TEC: variants seen among roughly 807,000 people sequenced by gnomAD.
The protein encoded by TEC is tec protein tyrosine kinase, also known as tyrosine-protein kinase Tec.
Under a neutral mutation model 93.0 loss-of-function variants are expected in TEC, and 72 were observed. The observed-to-expected ratio is 0.77, with a 90% CI of 0.64 to 0.94. The LOEUF is 0.94. TEC is among the 40% of genes least tolerant of loss of function. The pLI is 0.00. For missense variants in TEC, 630 were observed against 757.9 expected (o/e 0.83, Z 1.98); for synonymous variants, 249 against 247.7 (o/e 1.01, Z -0.05).
At chr4:48,183,007 C>T (rs1271039066) in intron 2 of TEC, among the ~76,000 whole-genome samples, 1 of 152,130 alleles carries the variant, frequency 6.6e-6, no homozygotes. Flanking sequence ...CGTCCCTTTC[C>T]CACATCACAA....
At position 48,226,972 on chromosome 4, in the gene TEC, T is replaced by C. The variant is rs115958962; in HGVS notation, c.138+1505A>G. ...AAGCAAATATAGCACATATATCATA[T>C]GTTACATAATAGTCCCAGCAGGGAC... On this transcript the variant is annotated intron_variant, in intron 2 of 17. Transcript: ENST00000381501. Among the ~76,000 whole-genome samples, 518 of 152,328 alleles carry C rather than the reference T, an allele frequency of 3.4e-3. 5 individuals carry two copies. Among genetic ancestry groups the C allele is most frequent in the African/African-American group, 0.012 (499 of 41,570 alleles).
intron 4 of TEC, among the ~76,000 whole-genome samples, chr4:48,170,587 T>G (rs1721059572): frequency 3.3e-5 from 5 of 152,206 alleles, no homozygotes; most frequent in Admixed American, 3.3e-4. Context: ...TTAGCAGAAA[T>G]GACTGCTGCT....
intron 2 of TEC, among the ~76,000 whole-genome samples, chr4:48,220,671 T>A (rs1279457055): frequency 2.0e-5 from 3 of 152,184 alleles, no homozygotes; most frequent in African/African-American, 7.2e-5. Context: ...GCCTCAAGTA[T>A]TTCTTTATAG....
intron 9 of TEC, among the ~76,000 whole-genome samples, chr4:48,155,041 A>C (rs1720336577): frequency 6.6e-6 from 1 of 152,198 alleles, no homozygotes; most frequent in Non-Finnish European, 1.5e-5. Flanking sequence ...CCTACTGGGA[A>C]CCTAAAGCCT....
At chr4:48,251,012 T>C (rs2109668297) in intron 1 of TEC, among the ~76,000 whole-genome samples, 1 of 152,328 alleles carries the variant, frequency 6.6e-6, no homozygotes, top group South Asian at 2.1e-4. Flanking sequence ...GTCTCAGTAC[T>C]TCCTTCTTAT....
At chr4:48,170,140 G>T in intron 5 of TEC, 108 bp downstream of exon 5, 1 of 911,072 alleles carries the variant, frequency 1.1e-6, no homozygotes, top group Non-Finnish European at 1.7e-6. Context: ...CATTTTCACT[G>T]TACTAGAAAG....
intron 1 of TEC, among the ~76,000 whole-genome samples, chr4:48,250,025 C>T (rs1035220600): frequency 1.3e-5 from 2 of 152,218 alleles, no homozygotes; most frequent in African/African-American, 4.8e-5. Flanking sequence ...GCTGATAACT[C>T]CAAAATCTAC....
chr4:48,145,314 A>G lies in TEC; in HGVS notation c.1254-19T>C, dbSNP rs1283667621. ...CAGTTTCCTGGGAAGGAAGACATAT[A>G]TATAGTTACTATAGGAAAAGAAACT... On this transcript the variant is annotated intron_variant, in intron 13 of 17. Transcript: ENST00000381501. 1 of 1,613,260 alleles carries G rather than the reference A, an allele frequency of 6.2e-7. No individual in the cohort carries two copies. The highest frequency in any genetic ancestry group is 1.3e-5 in the African/African-American group (1 of 74,988).
chr4:48,140,200 T>C (rs1479177978), intron 15 of TEC, among the ~76,000 whole-genome samples: 2 of 152,240 alleles, frequency 1.3e-5, no homozygotes, highest in Non-Finnish European at 2.9e-5. Flanking sequence ...AACTTGGCCC[T>C]ACATGGCCTG....
intron 14 of TEC, among the ~76,000 whole-genome samples, chr4:48,142,307 C>A (rs1405389073): frequency 6.6e-6 from 1 of 152,124 alleles, no homozygotes; most frequent in African/African-American, 2.4e-5. Flanking sequence ...CCCTTCTCTA[C>A]TAAAAATACA....
At chr4:48,193,508 T>G (rs757708481) in intron 2 of TEC, among the ~76,000 whole-genome samples, 1 of 152,164 alleles carries the variant, frequency 6.6e-6, no homozygotes, top group Non-Finnish European at 1.5e-5. Context: ...ACAGAGTAAC[T>G]GTCCCATTAC....
intron 2 of TEC, among the ~76,000 whole-genome samples, chr4:48,221,079 C>T (rs1043783562): frequency 6.6e-6 from 1 of 152,204 alleles, no homozygotes; most frequent in Admixed American, 6.5e-5. Context: ...CTATTATCAA[C>T]TTATTACAAG....
intron 2 of TEC, among the ~76,000 whole-genome samples, chr4:48,214,994 A>G (rs1274562742): frequency 6.6e-6 from 1 of 151,866 alleles, no homozygotes; most frequent in Non-Finnish European, 1.5e-5. Context: ...CTCTACTAAA[A>G]ATACAAAAAT....
chr4:48,181,303 A>G (rs1346610787), intron 2 of TEC, among the ~76,000 whole-genome samples: 1 of 152,176 alleles, frequency 6.6e-6, no homozygotes, highest in Admixed American at 6.5e-5. Flanking sequence ...CACAACACAT[A>G]TACAGTATAT....
At chr4:48,265,061 C>G in intron 1 of TEC, among the ~76,000 whole-genome samples, 1 of 151,892 alleles carries the variant, frequency 6.6e-6, no homozygotes, top group African/African-American at 2.4e-5. Flanking sequence ...AGACAAAAGC[C>G]GCTTGGGAAA....
At chr4:48,251,008 G>A (rs1387112533) in intron 1 of TEC, among the ~76,000 whole-genome samples, 1 of 152,178 alleles carries the variant, frequency 6.6e-6, no homozygotes, top group Non-Finnish European at 1.5e-5. Flanking sequence ...ATGGGTCTCA[G>A]TACTTCCTTC....
intron 4 of TEC, 143 bp downstream of exon 4, chr4:48,171,225 C>A: frequency 3.0e-6 from 2 of 665,142 alleles, no homozygotes; most frequent in Non-Finnish European, 4.9e-6. Flanking sequence ...TAACTTACAA[C>A]AACAGCATAT....
chr4:48,240,242 T>C (rs1723890702), intron 1 of TEC, among the ~76,000 whole-genome samples: 3 of 152,114 alleles, frequency 2.0e-5, no homozygotes, highest in African/African-American at 7.2e-5. Context: ...AAAAAGTGTT[T>C]AAAACATATT....
chr4:48,228,691 A>T (rs941669001), intron 1 of TEC, 32 bp from the exon 2 acceptor site: 9 of 1,517,718 alleles, frequency 5.9e-6, no homozygotes, highest in Non-Finnish European at 7.9e-6. Flanking sequence ...TTAAAATGTG[A>T]CAGTTTAATT....
Sources: allele counts gnomAD v4.1 joint callset (sites outside exome capture counted in the v4.1 genomes callset), GRCh38; gene constraint gnomAD v4.1.1; transcripts MANE v1.5; gene names NCBI Gene and HGNC (gene_info 2026-07-23, HGNC 2026-07-21).